CNTN5: variants seen among roughly 807,000 people sequenced by gnomAD.
CNTN5 encodes the protein contactin 5.
CNTN5 carries 77 observed loss-of-function variants against 129.1 expected under a neutral mutation model. The observed-to-expected ratio is 0.60, with a 90% CI of 0.50 to 0.72. The LOEUF (loss-of-function observed/expected upper bound fraction) is 0.72, where lower values mean the gene tolerates loss of function less well. Among genes scored for constraint, CNTN5 ranks in the 30% least tolerant of loss-of-function variants. The pLI is 0.00. For synonymous variants in CNTN5, 509 were observed against 465.6 expected (o/e 1.09, Z -1.20); for missense variants, 1,478 against 1,328.8 (o/e 1.11, Z -1.75).
chr11:99,926,386 T>C (rs1448661154), intron 7 of CNTN5, among the ~76,000 whole-genome samples: 7 of 152,110 alleles, frequency 4.6e-5, no homozygotes, highest in Non-Finnish European at 1.0e-4. Context: ...ATTGCTATCT[T>C]CAGGAGACCT....
chr11:99,947,164 G>A (rs971991679), intron 7 of CNTN5, among the ~76,000 whole-genome samples: 2 of 151,494 alleles, frequency 1.3e-5, no homozygotes, highest in Admixed American at 6.6e-5. Flanking sequence ...ATTCTTAATA[G>A]TTTTTGTACT....
At chr11:99,990,447 T>TAC (rs774953191) in intron 8 of CNTN5, among the ~76,000 whole-genome samples, 4 of 77,038 alleles carry the variant, frequency 5.2e-5, no homozygotes, top group African/African-American at 1.8e-4. Context: ...TTTTAGAATA[T>TAC]ATATATATAC....
rs1429972639 is a variant in CNTN5 at position 99,030,071 on chromosome 11, C to CA, written c.-210+8806dup. Among the ~76,000 whole-genome samples the CA allele has an allele frequency of 3.6e-4, 55 of 152,100 alleles. 1 individual carries two copies. The highest frequency in any genetic ancestry group is 1.2e-4 in the Non-Finnish European group (8 of 67,994). Reference sequence around the variant, plus strand: ...ACATTCATGGCATATGGTGAGGTCACAAAAAGAGCATGGGCTTCTTAGACT... The same window carrying CA: ...ACATTCATGGCATATGGTGAGGTCACAAAAAAGAGCATGGGCTTCTTAGACT... On this transcript the variant is annotated intron_variant, in intron 1 of 24. Transcript: ENST00000524871.
chr11:99,143,774 C>T (rs907979643), intron 1 of CNTN5, among the ~76,000 whole-genome samples: 1 of 152,162 alleles, frequency 6.6e-6, no homozygotes, highest in Non-Finnish European at 1.5e-5. Context: ...ATTCAGAACA[C>T]ATTACCAATT....
chr11:99,122,877 C>G (rs955002714), intron 1 of CNTN5, among the ~76,000 whole-genome samples: 62 of 152,156 alleles, frequency 4.1e-4, no homozygotes, highest in African/African-American at 1.3e-3. Flanking sequence ...GACATGGTCT[C>G]TTTCTTTCTA....
intron 1 of CNTN5, among the ~76,000 whole-genome samples, chr11:99,213,236 T>G (rs1267487895): frequency 6.8e-6 from 1 of 146,112 alleles, no homozygotes; most frequent in Non-Finnish European, 1.5e-5. Flanking sequence ...TATATATTTT[T>G]TTCTATATGT....
intron 6 of CNTN5, among the ~76,000 whole-genome samples, chr11:99,862,172 C>T (rs1159344116): frequency 6.6e-6 from 1 of 152,148 alleles, no homozygotes; most frequent in East Asian, 1.9e-4. Context: ...GGCATCTCTG[C>T]ATCATATTTA....
At chr11:99,865,321 G>T (rs1008351252) in intron 6 of CNTN5, among the ~76,000 whole-genome samples, 7 of 151,762 alleles carry the variant, frequency 4.6e-5, no homozygotes, top group Non-Finnish European at 8.8e-5. Context: ...ACAGTCACTG[G>T]GACACAATAA....
At chr11:99,751,506 A>G (rs1362051902) in intron 3 of CNTN5, among the ~76,000 whole-genome samples, 1 of 152,174 alleles carries the variant, frequency 6.6e-6, no homozygotes, top group Non-Finnish European at 1.5e-5. Context: ...TTTATTCAAT[A>G]ATTTATATTT....
At chr11:99,519,750 G>A (rs1157018060) in intron 2 of CNTN5, among the ~76,000 whole-genome samples, 1 of 151,918 alleles carries the variant, frequency 6.6e-6, no homozygotes, top group Non-Finnish European at 1.5e-5. Flanking sequence ...TATTCAACCA[G>A]TCTGGGAACA....
intron 3 of CNTN5, among the ~76,000 whole-genome samples, chr11:99,648,310 T>TA (rs1280744815): frequency 6.6e-6 from 1 of 151,936 alleles, no homozygotes; most frequent in South Asian, 2.1e-4. Flanking sequence ...AATAAATTTG[T>TA]AAAAAATGTT....
At chr11:99,574,330 C>A (rs1949276372) in intron 3 of CNTN5, among the ~76,000 whole-genome samples, 1 of 152,144 alleles carries the variant, frequency 6.6e-6, no homozygotes, top group South Asian at 2.1e-4. Context: ...GGGTTGATTC[C>A]ATTTCCTTGC....
At chr11:99,405,021 T>C (rs980410633) in intron 2 of CNTN5, among the ~76,000 whole-genome samples, 1 of 152,162 alleles carries the variant, frequency 6.6e-6, no homozygotes, top group Non-Finnish European at 1.5e-5. Flanking sequence ...TTTTTTCCTT[T>C]AGAACTTTAA....
chr11:99,715,743 T>C (rs1955191664), intron 3 of CNTN5, among the ~76,000 whole-genome samples: 1 of 152,014 alleles, frequency 6.6e-6, no homozygotes, highest in South Asian at 2.1e-4. Context: ...GTTATGTTTA[T>C]ACACAAATTT....
At chr11:99,115,786 A>G (rs1858018575) in intron 1 of CNTN5, among the ~76,000 whole-genome samples, 1 of 152,176 alleles carries the variant, frequency 6.6e-6, no homozygotes, top group Non-Finnish European at 1.5e-5. Flanking sequence ...AACAAAAAAG[A>G]TAAAATACCA....
chr11:99,518,351 C>T (rs1260660114), intron 2 of CNTN5, among the ~76,000 whole-genome samples: 2 of 151,864 alleles, frequency 1.3e-5, no homozygotes, highest in African/African-American at 4.8e-5. Context: ...AGTATTTAAC[C>T]GATAAAACAG....
chr11:99,863,519 C>T (rs1452855381), intron 6 of CNTN5, among the ~76,000 whole-genome samples: 2 of 151,920 alleles, frequency 1.3e-5, no homozygotes, highest in Non-Finnish European at 2.9e-5. Context: ...TAGTAAGAAA[C>T]CGGGAACATC....
At chr11:99,491,432 G>T (rs1946032549) in intron 2 of CNTN5, among the ~76,000 whole-genome samples, 1 of 152,108 alleles carries the variant, frequency 6.6e-6, no homozygotes, top group Admixed American at 6.6e-5. Flanking sequence ...TTGACTCCCG[G>T]TGGAAGTATT....
intron 8 of CNTN5, among the ~76,000 whole-genome samples, chr11:99,972,721 C>T (rs1257975878): frequency 6.6e-6 from 1 of 152,130 alleles, no homozygotes; most frequent in Non-Finnish European, 1.5e-5. Flanking sequence ...TTTTCAAATG[C>T]ACCATCTGGA....
Sources: gnomAD v4.1 joint callset for allele counts (sites outside exome capture counted in the v4.1 genomes callset) on GRCh38, gnomAD v4.1.1 for gene constraint, MANE v1.5 for transcripts, NCBI Gene and HGNC (gene_info 2026-07-23, HGNC 2026-07-21) for gene names.